The following SYNDIG1L variants were observed in gnomAD, a reference collection of about 807,000 sequenced individuals.
The protein encoded by SYNDIG1L is synapse differentiation inducing 1 like, also known as synapse differentiation-inducing gene protein 1-like.
In SYNDIG1L, 13 loss-of-function variants were observed where a neutral mutation model predicts 20.1. The observed-to-expected ratio is 0.65, with a 90% CI of 0.42 to 1.03. SYNDIG1L has a LOEUF of 1.03. Among genes scored for constraint, SYNDIG1L ranks in the 50% least tolerant of loss-of-function variants. The pLI is 0.00. For synonymous variants in SYNDIG1L, 128 were observed against 129.3 expected (o/e 0.99, Z 0.07); for missense variants, 294 against 305.1 (o/e 0.96, Z 0.27).
the SYNDIG1L span, among the ~76,000 whole-genome samples, chr14:74,450,253 C>A: frequency 2.0e-5 from 3 of 152,198 alleles, no homozygotes; most frequent in African/African-American, 7.2e-5. Flanking sequence ...AGACTCCAGG[C>A]CCAGATGGCT....
chr14:74,479,405 G>A, the SYNDIG1L span: 1 of 152,340 alleles, frequency 6.6e-6, no homozygotes, highest in Admixed American at 6.5e-5. Flanking sequence ...TGTGAATGGG[G>A]TTGTAATCCC....
At chr14:74,409,828 A>T in intron 1 of SYNDIG1L, 27 bp from the exon 2 acceptor site, 1 of 1,349,128 alleles carries the variant, frequency 7.4e-7, no homozygotes, top group South Asian at 2.6e-5. Context: ...ACAGACAAGC[A>T]CTGAGGCCAG....
chr14:74,409,159 G>A (rs1057252002), intron 2 of SYNDIG1L, among the ~76,000 whole-genome samples, 169 bp downstream of exon 2: 6 of 151,706 alleles, frequency 4.0e-5, no homozygotes, highest in Non-Finnish European at 8.8e-5. Context: ...GCTCACTGCA[G>A]CCTCAACCTC....
At chr14:74,451,033 C>T in the SYNDIG1L span, among the ~76,000 whole-genome samples, 2 of 152,082 alleles carry the variant, frequency 1.3e-5, no homozygotes, top group African/African-American at 4.8e-5. Flanking sequence ...TGTAATTCCA[C>T]TGAAAACTCC....
the SYNDIG1L span, among the ~76,000 whole-genome samples, chr14:74,463,222 C>T: frequency 6.6e-6 from 1 of 152,214 alleles, no homozygotes; most frequent in African/African-American, 2.4e-5. Flanking sequence ...CCACATTGGG[C>T]ACTCCCTCCC....
In SYNDIG1L at chr14:74,407,641, C is replaced by T. The variant is rs764119192; in HGVS notation, c.611G>A (p.Arg204His). The T allele has an allele frequency of 3.5e-5, 56 of 1,613,774 alleles. No individual in the cohort carries two copies. Among genetic ancestry groups the T allele is most frequent in the East Asian group, 6.7e-5 (3 of 44,870 alleles). The change falls in exon 4 of 4, where the codon CGC becomes CAC. Residue 204 changes from arginine to histidine, a missense_variant. Transcript: ENST00000331628. Reference sequence around the variant, plus strand: ...GAGTGTGGCTAGGAAGAGGGCCCGGCGGGAGGTGGTGCTGGCCAGGCGGAA... The same window carrying T: ...GAGTGTGGCTAGGAAGAGGGCCCGGTGGGAGGTGGTGCTGGCCAGGCGGAA... ...GDFRLASTTS[R>H]RALFLATLAI... is the part of the protein sequence containing the mutation.
chr14:74,421,429 T>A (rs182920325), intron 1 of SYNDIG1L, among the ~76,000 whole-genome samples: 20 of 152,214 alleles, frequency 1.3e-4, no homozygotes, highest in African/African-American at 4.8e-4. Context: ...ATCAATCTAA[T>A]AGGAGTTTCA....
upstream of SYNDIG1L, among the ~76,000 whole-genome samples, chr14:74,430,822 C>T (rs1185214002): frequency 2.0e-5 from 3 of 152,250 alleles, no homozygotes; most frequent in South Asian, 6.2e-4. Context: ...TGCAGTGGTG[C>T]AATTGCTGCT....
intron 1 of SYNDIG1L, among the ~76,000 whole-genome samples, chr14:74,415,161 G>A (rs550087029): frequency 6.6e-6 from 1 of 152,322 alleles, no homozygotes; most frequent in South Asian, 2.1e-4. Context: ...CATGCTGGAA[G>A]TAGGAGCAAC....
chr14:74,414,985 A>G (rs1250644896), intron 1 of SYNDIG1L, among the ~76,000 whole-genome samples: 2 of 152,208 alleles, frequency 1.3e-5, no homozygotes, highest in Non-Finnish European at 2.9e-5. Context: ...CTGACACTTG[A>G]CACTGCGTTT....
chr14:74,416,086 T>A (rs1483608338), intron 1 of SYNDIG1L, among the ~76,000 whole-genome samples: 1 of 151,798 alleles, frequency 6.6e-6, no homozygotes, highest in Non-Finnish European at 1.5e-5. Flanking sequence ...GAGGAGGGCA[T>A]TGATTAGAAA....
At chr14:74,428,260 C>T (rs7156302), upstream of SYNDIG1L, among the ~76,000 whole-genome samples, 82,116 of 152,190 alleles carry the variant, frequency 0.54, 23,137 homozygotes, top group African/African-American at 0.72. Context: ...TGACAGAGAA[C>T]AGTGGGTAAT....
chr14:74,443,844 G>C, the SYNDIG1L span, among the ~76,000 whole-genome samples: 5 of 152,108 alleles, frequency 3.3e-5, no homozygotes, highest in Non-Finnish European at 5.9e-5. Flanking sequence ...ATTAGGTTAG[G>C]AGTGAGGGGT....
At chr14:74,451,837 A>G in the SYNDIG1L span, among the ~76,000 whole-genome samples, 4 of 152,082 alleles carry the variant, frequency 2.6e-5, no homozygotes, top group Admixed American at 1.3e-4. Flanking sequence ...TAAAAATACA[A>G]AAATTAGCTG....
the SYNDIG1L span, among the ~76,000 whole-genome samples, chr14:74,435,827 G>A: frequency 1.3e-5 from 2 of 152,184 alleles, no homozygotes; most frequent in Non-Finnish European, 2.9e-5. Flanking sequence ...AAAGTGAGGA[G>A]CAGTTTTGAT....
chr14:74,413,552 C>T (rs1036514817), intron 1 of SYNDIG1L, among the ~76,000 whole-genome samples: 1 of 151,098 alleles, frequency 6.6e-6, no homozygotes, highest in Non-Finnish European at 1.5e-5. Context: ...GGGGTGGGAG[C>T]ACAGGTGCTT....
intron 1 of SYNDIG1L, among the ~76,000 whole-genome samples, chr14:74,424,120 G>T (rs985113569): frequency 1.3e-5 from 2 of 152,126 alleles, no homozygotes; most frequent in Admixed American, 1.3e-4. Flanking sequence ...TGTCAAACCA[G>T]GTTGATAAAG....
Position 74,407,211 on chromosome 14 carries a change from A to G in SYNDIG1L, c.*324T>C, listed in dbSNP as rs1266230082. On this transcript the variant is annotated 3_prime_UTR_variant, in exon 4 of 4. Coordinates refer to ENST00000331628, the MANE Select transcript of SYNDIG1L (RefSeq NM_001105579.2). ...GCAGGGTAGGTGGTGGGCTGGCTGT[A>G]GGGCAGGAGATCCTCTAGGGAATGG... is the stretch of plus-strand genomic sequence containing the variant. 3 of 362,960 alleles carry G rather than the reference A, an allele frequency of 8.3e-6. No individual in the cohort carries two copies. The highest frequency in any genetic ancestry group is 1.5e-5 in the Non-Finnish European group (3 of 198,376). The allele number at this position is 362,960 out of a possible 1,614,324, so 22.5% of individuals were successfully genotyped here. A position where few individuals can be genotyped will look rare whatever the true frequency, so the allele number is the denominator to read the frequency against.
the SYNDIG1L span, among the ~76,000 whole-genome samples, chr14:74,449,441 A>AAAAAAAAAAG: frequency 8.1e-6 from 1 of 124,094 alleles, no homozygotes. Context: ...GTCTTTACAA[A>AAAAAAAAAAG]AAAAAAAAAA....
Sources: gnomAD v4.1 joint callset for allele counts (sites outside exome capture counted in the v4.1 genomes callset) on GRCh38, gnomAD v4.1.1 for gene constraint, MANE v1.5 for transcripts, NCBI Gene and HGNC (gene_info 2026-07-23, HGNC 2026-07-21) for gene names.